The following SCAF11 variants were observed in gnomAD, a reference collection of about 807,000 sequenced individuals.
The protein encoded by SCAF11 is SR-related CTD associated factor 11.
A neutral mutation model predicts 140.5 loss-of-function variants in SCAF11; 47 were observed. That is an observed-to-expected ratio of 0.33 (90% CI 0.26 to 0.43). SCAF11 has a LOEUF of 0.43. Among genes scored for constraint, SCAF11 ranks in the 20% least tolerant of loss-of-function variants. The pLI, the probability that SCAF11 is intolerant of heterozygous loss-of-function variation, is 1.00. For missense variants in SCAF11, 1,645 were observed against 1,705.1 expected, an observed-to-expected ratio of 0.96 and a Z score of 0.62; for synonymous variants, 557 against 579.4, an observed-to-expected ratio of 0.96 and a Z score of 0.55.
In SCAF11 at chr12:45,956,052, T is replaced by A. The variant is rs1176561996; in HGVS notation, c.220-4325A>T. 7.1e-6 allele frequency: 5 copies of A among 707,712 alleles called. No individual in the cohort carries two copies. The African/African-American group carries it at 8.8e-5, about 12-fold the overall frequency. 43.8% of individuals were successfully genotyped at this position (707,712 alleles called of 1,614,324 possible). A position where few individuals can be genotyped will look rare whatever the true frequency, so the allele number is the denominator to read the frequency against. ...CCTACTATTCTGAAGCATTATAAAT[T>A]CTCAGCTCAGACAAACCCACATTTA... On this transcript the variant is annotated intron_variant, in intron 3 of 14. Coordinates refer to ENST00000369367, the MANE Select transcript of SCAF11 (RefSeq NM_004719.3).
chr12:45,944,393 T>C (rs1167414605), intron 6 of SCAF11, among the ~76,000 whole-genome samples: 2 of 152,246 alleles, frequency 1.3e-5, no homozygotes, highest in Admixed American at 6.5e-5. Flanking sequence ...TGAGGGATCA[T>C]ATTAATTCTA....
intron 5 of SCAF11, among the ~76,000 whole-genome samples, chr12:45,948,062 G>A (rs1053102375): frequency 3.9e-5 from 6 of 152,174 alleles, no homozygotes; most frequent in African/African-American, 7.2e-5. Flanking sequence ...TGAAAAGAAC[G>A]AATTCTTTTA....
Position 45,980,046 on chromosome 12 carries a change from C to T in SCAF11, c.-22+10307G>A, listed in dbSNP as rs77951454. On this transcript the variant is annotated intron_variant, in intron 1 of 14. Transcript: ENST00000369367. Reference sequence around the variant, plus strand: ...TTGGCTACTACTTTCTAACAGGTCACGAATGATCTCATTTAACTTTTATAG... The same window carrying T: ...TTGGCTACTACTTTCTAACAGGTCATGAATGATCTCATTTAACTTTTATAG... Among the ~76,000 whole-genome samples, 923 of 152,224 alleles carry T rather than the reference C, an allele frequency of 6.1e-3. 16 individuals carry two copies. The highest frequency in any genetic ancestry group is 0.021 in the African/African-American group (861 of 41,530).
chr12:45,957,767 T>C (rs1306815915), intron 3 of SCAF11, among the ~76,000 whole-genome samples: 1 of 152,304 alleles, frequency 6.6e-6, no homozygotes, highest in Middle Eastern at 3.4e-3. Context: ...TCACATATAC[T>C]GCAGGTTCCA....
chr12:45,941,272 C>T (rs1381894251), intron 6 of SCAF11, among the ~76,000 whole-genome samples: 1 of 152,104 alleles, frequency 6.6e-6, no homozygotes, highest in African/African-American at 2.4e-5. Flanking sequence ...ATTTGCCTGT[C>T]ATCTTTATTG....
Position 45,923,256 on chromosome 12 carries a change from C to A in SCAF11, c.3907-102G>T, listed in dbSNP as rs567300663. ...CATTAAAAAACACAAAGCAAACCAA[C>A]CTTAGTACTAAAGAAAAATGCATAT... On this transcript the variant is annotated intron_variant, in intron 12 of 14. Transcript: ENST00000369367. 9.7e-5 allele frequency: 90 copies of A among 925,530 alleles called. No individual in the cohort carries two copies. In the South Asian group the frequency reaches 1.4e-3, roughly 14 times the overall value. The allele number at this position is 925,530 out of a possible 1,614,324, so 57.3% of individuals were successfully genotyped here.
At chr12:45,971,220 C>A (rs1403276732) in intron 1 of SCAF11, among the ~76,000 whole-genome samples, 2 of 152,058 alleles carry the variant, frequency 1.3e-5, no homozygotes, top group Non-Finnish European at 2.9e-5. Flanking sequence ...GCAAGGTCAC[C>A]TACATGTTGA....
chr12:45,958,245 T>C (rs1456384788), intron 3 of SCAF11, among the ~76,000 whole-genome samples: 3 of 152,168 alleles, frequency 2.0e-5, no homozygotes, highest in African/African-American at 2.4e-5. Flanking sequence ...TTTGTATGTG[T>C]TGGAGATTAT....
In SCAF11 at chr12:45,928,071, C is replaced by T. The variant is rs1393546431; in HGVS notation, c.1630G>A (p.Val544Ile). The stretch of plus-strand genomic sequence containing the variant: ...GTAGGAAAATCATTTGGAAGATGAA[C>T]TGTACATACATCTGTCTTTACCTCT... The part of the protein sequence containing the change: ...QSEVKTDVCT[V>I]HLPNDFPTCL... The change falls in exon 11 of 15, where the codon GTT becomes ATT. Residue 544 changes from valine (V) to isoleucine (I), a missense_variant. Coordinates refer to ENST00000369367, the MANE Select transcript of SCAF11 (RefSeq NM_004719.3). 1 of 1,613,800 alleles carries T rather than the reference C, an allele frequency of 6.2e-7. No homozygotes were observed. Among genetic ancestry groups the T allele is most frequent in the Admixed American group, 1.7e-5 (1 of 60,000 alleles).
intron 1 of SCAF11, among the ~76,000 whole-genome samples, chr12:45,969,936 C>T (rs1396261777): frequency 1.3e-5 from 2 of 152,100 alleles, no homozygotes; most frequent in South Asian, 2.1e-4. Context: ...CTCGCTCTGT[C>T]GCCCAGGCTG....
rs1464205480 is a variant in SCAF11 at position 45,964,116 on chromosome 12, C to G, written c.52G>C (p.Asp18His). 6.6e-7 allele frequency: 1 copy of G among 1,508,668 alleles called. No homozygotes were observed. Among genetic ancestry groups the G allele is most frequent in the Non-Finnish European group, 9.1e-7 (1 of 1,094,422 alleles). 93.5% of individuals were successfully genotyped at this position (1,508,668 alleles called of 1,614,324 possible). A position where few individuals can be genotyped will look rare whatever the true frequency, so the allele number is the denominator to read the frequency against. Residue 18 changes from aspartate to histidine, a missense_variant, in exon 2 of 15, where the codon GAC becomes CAC. Physicochemically the swap from Asp to His is moderately conservative, Grantham distance 81. Coordinates refer to ENST00000369367, the MANE Select transcript of SCAF11 (RefSeq NM_004719.3). ...TLNMGDKKYE[D>H]MEGEENGDNT... is the part of the protein sequence containing the mutation. ...AAAAATGAAAAGTTACCTTCCATGT[C>G]TTCATACTTCTTATCTCCCATATTT...
At chr12:45,938,255 C>T (rs188677883) in intron 6 of SCAF11, among the ~76,000 whole-genome samples, 43 of 152,224 alleles carry the variant, frequency 2.8e-4, no homozygotes, top group Non-Finnish European at 2.9e-5. Context: ...TCTGGGAGGC[C>T]GAGGTTGGCG....
chr12:45,929,610 CTTCTAATCAGTTCCTCAAAGCCTCCAAG>C (rs1419104247), intron 10 of SCAF11: 1 of 152,150 alleles, frequency 6.6e-6, no homozygotes, highest in East Asian at 1.9e-4. Flanking sequence ...AGAAAGGAGA[CTTCTAATCAGTTCCTCAAAGCCTCCAAG>C]TTGTAATTTC....
In SCAF11 at chr12:45,925,278, C is replaced by T. The variant is rs1404306169; in HGVS notation, c.3560-204G>A. ...TAATGAAAGAAAACATTTGGCGAGGCACGGTGGCTCAAGCCTGTAATCCCA... is the reference window on the plus strand; with the variant it reads ...TAATGAAAGAAAACATTTGGCGAGGTACGGTGGCTCAAGCCTGTAATCCCA... On this transcript the variant is annotated intron_variant, in intron 11 of 14. Coordinates refer to ENST00000369367, the MANE Select transcript of SCAF11 (RefSeq NM_004719.3). Among the ~76,000 whole-genome samples the T allele has an allele frequency of 3.2e-4, 48 of 152,150 alleles. 1 individual carries two copies. The highest frequency in any genetic ancestry group is 2.9e-5 in the Non-Finnish European group (2 of 68,032).
At chr12:45,967,299 C>T (rs1466503098) in intron 1 of SCAF11, among the ~76,000 whole-genome samples, 1 of 152,022 alleles carries the variant, frequency 6.6e-6, no homozygotes, top group Non-Finnish European at 1.5e-5. Flanking sequence ...GTGAAATATA[C>T]ATGAGAAACT....
At chr12:45,964,246 T>TA (rs199589025) in intron 1 of SCAF11, 58 bp from the exon 2 acceptor site, 197 of 788,550 alleles carry the variant, frequency 2.5e-4, no homozygotes, top group South Asian at 3.6e-4. Context: ...TAATATCAAT[T>TA]AAAAAAAAAT....
At chr12:45,943,063 CA>C (rs971393380) in intron 6 of SCAF11, among the ~76,000 whole-genome samples, 1 of 152,190 alleles carries the variant, frequency 6.6e-6, no homozygotes, top group Admixed American at 6.5e-5. Flanking sequence ...TAATTTTCAT[CA>C]AATGTAATAT....
At chr12:45,965,231 C>T (rs1181696162) in intron 1 of SCAF11, among the ~76,000 whole-genome samples, 1 of 151,968 alleles carries the variant, frequency 6.6e-6, no homozygotes, top group African/African-American at 2.4e-5. Flanking sequence ...GATTGAATTA[C>T]AATGGAAGGA....
intron 6 of SCAF11, among the ~76,000 whole-genome samples, chr12:45,942,445 G>A (rs139799869): frequency 6.6e-6 from 1 of 152,162 alleles, no homozygotes; most frequent in East Asian, 1.9e-4. Flanking sequence ...TTCACAGCCA[G>A]AGTAATCCTT....
Sources: gnomAD v4.1 joint callset for allele counts (sites outside exome capture counted in the v4.1 genomes callset) on GRCh38, gnomAD v4.1.1 for gene constraint, MANE v1.5 for transcripts, NCBI Gene and HGNC (gene_info 2026-07-23, HGNC 2026-07-21) for gene names.